Variants in NKAIN3 observed in about 807,000 individuals in gnomAD.
NKAIN3 encodes the protein sodium/potassium-transporting ATPase subunit beta-1-interacting protein 3.
In NKAIN3, 25 loss-of-function variants were observed where a neutral mutation model predicts 30.2. The ratio of observed to expected loss-of-function variants is 0.83; its 90% CI spans 0.60 to 1.16. The LOEUF (loss-of-function observed/expected upper bound fraction) is 1.16. Among genes scored for constraint, NKAIN3 ranks in the 50% most tolerant of loss-of-function variants. The pLI, the probability that NKAIN3 is intolerant of heterozygous loss-of-function variation, is 0.00. For synonymous variants in NKAIN3, 91 were observed against 89.6 expected (o/e 1.02, Z -0.09); for missense variants, 225 against 254.1 (o/e 0.89, Z 0.78).
intron 6 of NKAIN3, among the ~76,000 whole-genome samples, chr8:62,960,789 T>C (rs1295057590): frequency 1.3e-5 from 2 of 149,464 alleles, no homozygotes; most frequent in African/African-American, 5.0e-5. Flanking sequence ...AAAAGAAACA[T>C]TTACAGTTCT....
intron 1 of NKAIN3, among the ~76,000 whole-genome samples, chr8:62,353,656 G>A (rs114104937): frequency 2.0e-4 from 31 of 152,234 alleles, no homozygotes; most frequent in African/African-American, 7.0e-4. Context: ...ATGTGATAAT[G>A]TCTATTGCAG....
At chr8:62,414,421 C>T (rs915454516) in intron 1 of NKAIN3, among the ~76,000 whole-genome samples, 4 of 152,094 alleles carry the variant, frequency 2.6e-5, no homozygotes, top group Admixed American at 6.6e-5. Context: ...AAAAAATCAA[C>T]GATACTGTTC....
chr8:62,637,744 G>A (rs561162918), intron 3 of NKAIN3, among the ~76,000 whole-genome samples: 27 of 152,220 alleles, frequency 1.8e-4, no homozygotes, highest in African/African-American at 5.3e-4. Context: ...GGATGCCTCC[G>A]GTGTCTGGGG....
chr8:62,314,323 A>T (rs1024141135), intron 1 of NKAIN3, among the ~76,000 whole-genome samples: 18 of 152,154 alleles, frequency 1.2e-4, no homozygotes, highest in African/African-American at 4.3e-4. Flanking sequence ...ATCCAGAGTC[A>T]TATCTGGCTA....
chr8:62,979,749 G>C lies in NKAIN3; in HGVS notation c.*14342G>C, dbSNP rs1824031965. 6.6e-6 allele frequency: 1 copy of C among 152,206 alleles called. No individual in the cohort carries two copies. Among genetic ancestry groups the C allele is most frequent in the Non-Finnish European group, 1.5e-5 (1 of 68,042 alleles). 9.4% of individuals were successfully genotyped at this position (152,206 alleles called of 1,614,324 possible). A position where few individuals can be genotyped will look rare whatever the true frequency, so the allele number is the denominator to read the frequency against. On this transcript the variant is annotated 3_prime_UTR_variant, in exon 7 of 7. Coordinates refer to ENST00000623646, the MANE Select transcript of NKAIN3 (RefSeq NM_001304533.3). ...CTCTCAGTCTAGTCTTCTTTCCTCT[G>C]CACTTGGTGGCCATCAGCTGTAACA...
At chr8:62,472,544 G>T (rs1043419472) in intron 1 of NKAIN3, among the ~76,000 whole-genome samples, 2 of 152,152 alleles carry the variant, frequency 1.3e-5, no homozygotes, top group African/African-American at 2.4e-5. Flanking sequence ...TGCTTTCAAG[G>T]GTAGGTCAGG....
chr8:62,799,150 C>T (rs1337563399), intron 4 of NKAIN3, among the ~76,000 whole-genome samples: 2 of 151,968 alleles, frequency 1.3e-5, no homozygotes, highest in Non-Finnish European at 2.9e-5. Flanking sequence ...AGAATATGAA[C>T]ATAGTGAGGA....
At chr8:62,613,359 G>A (rs1168479858) in intron 3 of NKAIN3, among the ~76,000 whole-genome samples, 1 of 152,144 alleles carries the variant, frequency 6.6e-6, no homozygotes, top group Admixed American at 6.5e-5. Context: ...CTACTAGCCT[G>A]TAAGGTTTTC....
intron 1 of NKAIN3, among the ~76,000 whole-genome samples, chr8:62,382,031 C>T (rs545177007): frequency 3.3e-5 from 5 of 152,160 alleles, no homozygotes; most frequent in African/African-American, 9.6e-5. Flanking sequence ...TTTAGTACAG[C>T]CCATCCTTGA....
chr8:62,921,198 T>C (rs942181338), intron 5 of NKAIN3, among the ~76,000 whole-genome samples: 2 of 152,220 alleles, frequency 1.3e-5, no homozygotes, highest in African/African-American at 2.4e-5. Flanking sequence ...TACTGGTATC[T>C]TTCCAATTTG....
At chr8:62,816,491 G>T (rs1485191272) in intron 4 of NKAIN3, among the ~76,000 whole-genome samples, 1 of 152,134 alleles carries the variant, frequency 6.6e-6, no homozygotes, top group Non-Finnish European at 1.5e-5. Flanking sequence ...CAGGCTACTG[G>T]GAGGTATATA....
intron 3 of NKAIN3, among the ~76,000 whole-genome samples, chr8:62,703,633 C>T (rs780201767): frequency 1.3e-5 from 2 of 152,152 alleles, no homozygotes; most frequent in Non-Finnish European, 2.9e-5. Flanking sequence ...AATCTCCCTG[C>T]GGAAACATCC....
intron 1 of NKAIN3, among the ~76,000 whole-genome samples, chr8:62,294,306 TG>T: frequency 6.6e-6 from 1 of 152,266 alleles, no homozygotes; most frequent in Admixed American, 6.5e-5. Flanking sequence ...TCACTTACGC[TG>T]GGAGCTGCAG....
chr8:62,957,024 C>T (rs984382465), intron 6 of NKAIN3, among the ~76,000 whole-genome samples: 2 of 152,120 alleles, frequency 1.3e-5, no homozygotes, highest in African/African-American at 4.8e-5. Flanking sequence ...CAGTTTCTTA[C>T]AAAACTAAGC....
At chr8:62,320,219 C>T (rs1012375537) in intron 1 of NKAIN3, among the ~76,000 whole-genome samples, 38 of 152,064 alleles carry the variant, frequency 2.5e-4, no homozygotes, top group East Asian at 7.7e-4. Flanking sequence ...TTTGAGCCTA[C>T]GTGTGTCTCT....
At chr8:62,911,651 G>A (rs1211134059) in intron 4 of NKAIN3, among the ~76,000 whole-genome samples, 4 of 151,750 alleles carry the variant, frequency 2.6e-5, no homozygotes, top group Non-Finnish European at 5.9e-5. Context: ...TAGCTCTTTA[G>A]GTTTCAAAAG....
At chr8:62,360,994 A>G (rs1287606242) in intron 1 of NKAIN3, among the ~76,000 whole-genome samples, 1 of 132,868 alleles carries the variant, frequency 7.5e-6, no homozygotes, top group African/African-American at 2.9e-5. Flanking sequence ...TAAATAGCCT[A>G]CTGACATTCC....
In NKAIN3 at chr8:62,786,011, A is replaced by T. The variant is rs576040056; in HGVS notation, c.471+38882A>T. Among the ~76,000 whole-genome samples the T allele has an allele frequency of 2.0e-5, 3 of 152,158 alleles. No individual in the cohort carries two copies. In the East Asian group the frequency reaches 5.8e-4, roughly 30 times the overall value. ...TACGGAAATAAGTGTCAGAGAGCAA[A>T]TCATGCTTTCAGGCAAGTTGGTTCT... On this transcript the variant is annotated intron_variant, in intron 4 of 6. Transcript: ENST00000623646.
At chr8:62,520,978 C>T (rs184939970) in intron 1 of NKAIN3, among the ~76,000 whole-genome samples, 206 of 151,402 alleles carry the variant, frequency 1.4e-3, no homozygotes, top group East Asian at 0.013. Flanking sequence ...GCATAAGAAT[C>T]GTTAGAGGGG....
Sources: allele counts gnomAD v4.1 joint callset (sites outside exome capture counted in the v4.1 genomes callset), GRCh38; gene constraint gnomAD v4.1.1; transcripts MANE v1.5; gene names NCBI Gene and HGNC (gene_info 2026-07-23, HGNC 2026-07-21).